PIK3CD: variants seen among roughly 807,000 people sequenced by gnomAD.
PIK3CD encodes phosphatidylinositol-4,5-bisphosphate 3-kinase catalytic subunit delta.
PIK3CD carries 20 observed loss-of-function variants against 122.9 expected under a neutral mutation model. The observed-to-expected ratio is 0.16, with a 90% confidence interval of 0.11 to 0.24. The LOEUF (loss-of-function observed/expected upper bound fraction) is 0.24, where lower values mean the gene tolerates loss of function less well. Among genes scored for constraint, PIK3CD ranks in the 10% least tolerant of loss-of-function variants. The probability of loss-of-function intolerance (pLI) is 1.00; values close to 1 mark genes in which losing one functional copy is unlikely to be tolerated. For synonymous variants in PIK3CD, 596 were observed against 593.4 expected (o/e 1.00, Z -0.06); for missense variants, 787 against 1,406.3 (o/e 0.56, Z 7.04).
chr1:9,677,501 C>G (rs1645582285), intron 1 of PIK3CD, among the ~76,000 whole-genome samples: 1 of 151,634 alleles, frequency 6.6e-6, no homozygotes. Flanking sequence ...AAAAATTAGC[C>G]AGGTGTGGTG....
chr1:9,720,317 A>G lies in PIK3CD; in HGVS notation c.1470+75A>G, dbSNP rs1648325870. On this transcript the variant is annotated intron_variant, in intron 11 of 23. Transcript: ENST00000377346. This position sits in a 1 kb window ranked among gnomAD's most constrained non-coding sequence, Gnocchi z 9.0. ...CCTGGCCCTGCTCCTGGAGCTCTTCAGAGGGTGCTCCCTGGCCACGTCGGG... is the reference window on the plus strand; with the variant it reads ...CCTGGCCCTGCTCCTGGAGCTCTTCGGAGGGTGCTCCCTGGCCACGTCGGG... 6.5e-7 allele frequency: 1 copy of G among 1,532,360 alleles called. No homozygotes were observed. The highest frequency in any genetic ancestry group is 8.8e-7 in the Non-Finnish European group (1 of 1,133,200). 94.9% of individuals were successfully genotyped at this position (1,532,360 alleles called of 1,614,324 possible). A position where few individuals can be genotyped will look rare whatever the true frequency, so the allele number is the denominator to read the frequency against.
At chr1:9,682,079 C>T (rs550096774) in intron 1 of PIK3CD, among the ~76,000 whole-genome samples, 1 of 151,790 alleles carries the variant, frequency 6.6e-6, no homozygotes, top group African/African-American at 2.4e-5. Context: ...ACTACCACCA[C>T]GCCTGGCTAA....
chr1:9,674,015 G>C (rs915717389), intron 1 of PIK3CD, among the ~76,000 whole-genome samples: 6 of 152,202 alleles, frequency 3.9e-5, no homozygotes, highest in African/African-American at 1.2e-4. Context: ...TGGTCAGCAC[G>C]TAGAGGCCAT....
rs964557757 is a variant in PIK3CD, at chr1:9,669,639, A to G, written c.-138+17837A>G. On this transcript the variant is annotated intron_variant, in intron 1 of 23. Transcript: ENST00000377346. ...GCGCCAGACCTCTTAAACCCTTCAG[A>G]GTGGCCTTGGCATTCGTTTTGAGGG... is the stretch of plus-strand genomic sequence containing the variant. Among the ~76,000 whole-genome samples the G allele has an allele frequency of 5.9e-5, 9 of 152,164 alleles. 1 individual carries two copies. Among genetic ancestry groups the G allele is most frequent in the Admixed American group, 2.6e-4 (4 of 15,272 alleles).
In PIK3CD at chr1:9,710,652, GAGAC is replaced by G; in HGVS notation, c.141+58_141+61del. 37 of 1,558,804 alleles carry G rather than the reference GAGAC, an allele frequency of 2.4e-5. No homozygotes were observed. The highest frequency in any genetic ancestry group is 6.7e-5 in the South Asian group (6 of 89,724). On this transcript the variant is annotated intron_variant, in intron 3 of 23. Transcript: ENST00000377346. This position sits in a 1 kb window ranked among gnomAD's most constrained non-coding sequence, Gnocchi z 4.7. ...GTGCTCAGAGAGAGAGAGAGAGAGA[GAGAC>G]ACAGATAGACAGACAGACAGACAGA...
At position 9,654,892 on chromosome 1, in the gene PIK3CD, T is replaced by A. The variant is rs145486884; in HGVS notation, c.-138+3090T>A. 3.5e-3 allele frequency among the ~76,000 whole-genome samples: 521 copies of A among 150,944 alleles called. 6 individuals are homozygous for A. Among genetic ancestry groups the A allele is most frequent in the East Asian group, 0.025 (129 of 5,136 alleles). On this transcript the variant is annotated intron_variant, in intron 1 of 23. Coordinates refer to ENST00000377346, the MANE Select transcript of PIK3CD (RefSeq NM_005026.5). ...TTGGCCAACATGGTGAATATCTGTC[T>A]CTACGAAAAATGCAAAAAAAAAAAA...
chr1:9,637,086 A>G, the PIK3CD span, among the ~76,000 whole-genome samples: 1 of 151,898 alleles, frequency 6.6e-6, no homozygotes, highest in Non-Finnish European at 1.5e-5. Flanking sequence ...TTTAGTAGAG[A>G]TGGGGTTTCA....
At chr1:9,636,369 T>G in the PIK3CD span, among the ~76,000 whole-genome samples, 1 of 152,144 alleles carries the variant, frequency 6.6e-6, no homozygotes, top group Non-Finnish European at 1.5e-5. Context: ...AATTTTTGTA[T>G]TTTTAGTAGA....
chr1:9,693,657 G>T (rs1053914375), intron 2 of PIK3CD, among the ~76,000 whole-genome samples: 4 of 151,000 alleles, frequency 2.6e-5, no homozygotes, highest in African/African-American at 9.7e-5. Context: ...CCACTAAAAT[G>T]AAAGTAAAGG....
intron 1 of PIK3CD, among the ~76,000 whole-genome samples, chr1:9,665,267 G>A (rs1226978310): frequency 6.6e-6 from 1 of 151,364 alleles, no homozygotes; most frequent in Non-Finnish European, 1.5e-5. Flanking sequence ...TCCATCATAG[G>A]GGTAGCTTTG....
chr1:9,699,881 C>T (rs903563769), intron 2 of PIK3CD, among the ~76,000 whole-genome samples: 3 of 152,184 alleles, frequency 2.0e-5, no homozygotes, highest in Admixed American at 6.5e-5. Context: ...GCGTGAGCCA[C>T]CGCCCCCGGC....
intron 1 of PIK3CD, among the ~76,000 whole-genome samples, chr1:9,681,823 A>C (rs1645765100): frequency 6.6e-6 from 1 of 152,212 alleles, no homozygotes; most frequent in Admixed American, 6.5e-5. Flanking sequence ...GAATCTCAGG[A>C]CGGAAGTAAC....
rs761166263 is a variant in PIK3CD at position 9,724,237 on chromosome 1, C to T, written c.2719-39C>T. ...CTCCCCTGGATTCTCTCCTGTCTGACACCTTCTCAATCCTCCCCCTCCTCT... is the reference window on the plus strand; with the variant it reads ...CTCCCCTGGATTCTCTCCTGTCTGATACCTTCTCAATCCTCCCCCTCCTCT... On this transcript the variant is annotated intron_variant, in intron 21 of 23. Coordinates refer to ENST00000377346, the MANE Select transcript of PIK3CD (RefSeq NM_005026.5). The surrounding 1 kb of genome is among the most constrained non-coding windows in gnomAD (Gnocchi z 7.3). 5 of 1,613,704 alleles carry T rather than the reference C, an allele frequency of 3.1e-6. No homozygotes were observed. In the South Asian group the frequency reaches 5.5e-5, roughly 18 times the overall value.
Position 9,721,175 on chromosome 1 carries a change from C to G in PIK3CD, c.1738C>G (p.Leu580Val), listed in dbSNP as rs1570385752. 1.2e-6 allele frequency: 2 copies of G among 1,613,326 alleles called. No homozygotes were observed. The highest frequency in any genetic ancestry group is 1.7e-6 in the Non-Finnish European group (2 of 1,179,992). The change falls in exon 14 of 24, where the codon CTG becomes GTG. Residue 580 changes from leucine (L) to valine (V), a missense_variant. Transcript: ENST00000377346. ...SWPELPVLSA[L>V]ELLDFSFPDC... is the part of the protein sequence containing the mutation. ...GCCGGAGCTGCCCGTCCTGAGCGCCCTGGAGCTGCTAGACTTCAGCTTCCC... is the reference window on the plus strand; with the variant it reads ...GCCGGAGCTGCCCGTCCTGAGCGCCGTGGAGCTGCTAGACTTCAGCTTCCC...
At chr1:9,713,651 C>T (rs1647143886) in intron 3 of PIK3CD, among the ~76,000 whole-genome samples, 1 of 152,066 alleles carries the variant, frequency 6.6e-6, no homozygotes, top group Non-Finnish European at 1.5e-5. Context: ...AATGCAGTGG[C>T]ATAATCCTAG....
At chr1:9,680,069 C>T (rs1210986831) in intron 1 of PIK3CD, among the ~76,000 whole-genome samples, 1 of 152,190 alleles carries the variant, frequency 6.6e-6, no homozygotes, top group African/African-American at 2.4e-5. Context: ...AGGTGATCCA[C>T]CCGCATTGGC....
At chr1:9,712,946 C>T (rs768095232) in intron 3 of PIK3CD, among the ~76,000 whole-genome samples, 13 of 152,070 alleles carry the variant, frequency 8.5e-5, no homozygotes, top group Non-Finnish European at 1.6e-4. Flanking sequence ...CTTTGGGAGG[C>T]GGAAGCGGGT....
In PIK3CD at chr1:9,706,800, ATTTCTTTTTTTTTTACTTT is replaced by A. The variant is rs571146256; in HGVS notation, c.-32-3609_-32-3591del. ...TTTTCACTGTTTTTGGCTTTTTTTG[ATTTCTTTTTTTTTTACTTT>A]TTTCTTTTTTTTTTGAGACATGATT... On this transcript the variant is annotated intron_variant, in intron 2 of 23. Transcript: ENST00000377346. 7.6e-4 allele frequency among the ~76,000 whole-genome samples: 112 copies of A among 148,022 alleles called. 2 individuals are homozygous for A. In the South Asian group the frequency reaches 0.013, roughly 17 times the overall value.
At chr1:9,629,734 AGG>A in the PIK3CD span, among the ~76,000 whole-genome samples, 3 of 151,990 alleles carry the variant, frequency 2.0e-5, no homozygotes, top group Non-Finnish European at 4.4e-5. Flanking sequence ...CCCTCGCCAC[AGG>A]GTACTCGCCG....
Sources: allele counts gnomAD v4.1 joint callset (sites outside exome capture counted in the v4.1 genomes callset), GRCh38; gene constraint gnomAD v4.1.1; non-coding constraint Gnocchi (gnomAD v3.1); transcripts MANE v1.5; gene names NCBI Gene and HGNC (gene_info 2026-07-23, HGNC 2026-07-21).